The following GRIN2A variants were observed in gnomAD, a reference collection of about 807,000 sequenced individuals.
The protein encoded by GRIN2A is glutamate receptor ionotropic, NMDA 2A.
A neutral mutation model predicts 113.4 loss-of-function variants in GRIN2A; 22 were observed. That is an observed-to-expected ratio of 0.19 (90% CI 0.14 to 0.28). The LOEUF (loss-of-function observed/expected upper bound fraction) is 0.28, where lower values mean the gene tolerates loss of function less well. Among genes scored for constraint, GRIN2A ranks in the 10% least tolerant of loss-of-function variants. The pLI, the probability that GRIN2A is intolerant of heterozygous loss-of-function variation, is 1.00. For synonymous variants in GRIN2A, 827 were observed against 738.4 expected (o/e 1.12, Z -1.94); for missense variants, 1,502 against 1,887.0 (o/e 0.80, Z 3.78).
At position 10,127,925 on chromosome 16, in the gene GRIN2A, C is replaced by T. The variant is rs149173240; in HGVS notation, c.414+52073G>A. ...TTTTGCTTGTGGGGGCCTTGGGTCACACCAGAGAGTCTAACAGTGTGATTT... is the reference window on the plus strand; with the variant it reads ...TTTTGCTTGTGGGGGCCTTGGGTCATACCAGAGAGTCTAACAGTGTGATTT... On this transcript the variant is annotated intron_variant, in intron 2 of 12. Transcript: ENST00000330684. Among the ~76,000 whole-genome samples, 7 of 152,104 alleles carry T rather than the reference C, an allele frequency of 4.6e-5. No individual in the cohort carries two copies. The East Asian group carries it at 1.2e-3, about 25-fold the overall frequency.
chr16:9,968,064 G>A (rs910159843), intron 2 of GRIN2A, among the ~76,000 whole-genome samples: 2 of 152,044 alleles, frequency 1.3e-5, no homozygotes, highest in Non-Finnish European at 2.9e-5. Context: ...CAACCCAGTG[G>A]GTAGGCGTTA....
chr16:9,937,825 T>C, intron 3 of GRIN2A, 134 bp downstream of exon 3: 1 of 696,536 alleles, frequency 1.4e-6, no homozygotes, highest in Admixed American at 2.2e-5. Flanking sequence ...GAGAGCAAAA[T>C]AAAAGTCCCG....
chr16:9,892,933 GAAAAA>G (rs57666918), intron 3 of GRIN2A, among the ~76,000 whole-genome samples: 3 of 96,586 alleles, frequency 3.1e-5, no homozygotes, highest in African/African-American at 1.0e-4. Context: ...GCTAAAAAGT[GAAAAA>G]AAAAAAAAAA....
chr16:10,105,248 G>A (rs2352748), intron 2 of GRIN2A, among the ~76,000 whole-genome samples: 41,257 of 151,906 alleles, frequency 0.27, 5,844 homozygotes, highest in East Asian at 0.45. Context: ...ATTAAAACAT[G>A]AAGCCCACCC....
chr16:10,005,937 C>T (rs935358647), intron 2 of GRIN2A, among the ~76,000 whole-genome samples: 2 of 152,184 alleles, frequency 1.3e-5, no homozygotes, highest in Non-Finnish European at 2.9e-5. Context: ...AATAAACTAC[C>T]TTTGAAACCA....
At chr16:10,128,265 G>T (rs145852873) in intron 2 of GRIN2A, among the ~76,000 whole-genome samples, 2 of 152,148 alleles carry the variant, frequency 1.3e-5, no homozygotes, top group Non-Finnish European at 2.9e-5. Flanking sequence ...AGCCGTGGGT[G>T]CAACAGCTTG....
intron 11 of GRIN2A, among the ~76,000 whole-genome samples, chr16:9,787,902 C>T (rs949429693): frequency 6.6e-6 from 1 of 152,126 alleles, no homozygotes; most frequent in Non-Finnish European, 1.5e-5. Context: ...CATCTGAGGA[C>T]ACAGGGACCT....
chr16:10,036,101 C>T (rs12598112), intron 2 of GRIN2A, among the ~76,000 whole-genome samples: 28,102 of 152,140 alleles, frequency 0.18, 2,932 homozygotes, highest in East Asian at 0.35. Flanking sequence ...GATTCAGATT[C>T]CCCTGATGAT....
chr16:10,106,359 G>A (rs778186099), intron 2 of GRIN2A, among the ~76,000 whole-genome samples: 9 of 151,762 alleles, frequency 5.9e-5, no homozygotes, highest in African/African-American at 9.7e-5. Flanking sequence ...CCAGGAATTC[G>A]AGACCAACCT....
chr16:9,758,364 C>G lies in GRIN2A; in HGVS notation c.*4785G>C, dbSNP rs1013084864. 1 of 223,448 alleles carries G rather than the reference C, an allele frequency of 4.5e-6. No homozygotes were observed. The highest frequency in any genetic ancestry group is 8.9e-6 in the Non-Finnish European group (1 of 111,906). 13.8% of individuals were successfully genotyped at this position (223,448 alleles called of 1,614,324 possible). A position where few individuals can be genotyped will look rare whatever the true frequency, so the allele number is the denominator to read the frequency against. On this transcript the variant is annotated 3_prime_UTR_variant, in exon 13 of 13. Transcript: ENST00000330684. ...AGAATATATTCTATACCCCTCATCC[C>G]AGAGTTTTGTTTTTTAAAGAAGGGG...
At chr16:10,024,311 C>T (rs567318494) in intron 2 of GRIN2A, among the ~76,000 whole-genome samples, 6 of 152,330 alleles carry the variant, frequency 3.9e-5, no homozygotes, top group African/African-American at 1.2e-4. Flanking sequence ...GCAGCCTCCA[C>T]CTCCTGGGTC....
At chr16:9,935,349 T>C (rs897680339) in intron 3 of GRIN2A, among the ~76,000 whole-genome samples, 1 of 152,172 alleles carries the variant, frequency 6.6e-6, no homozygotes, top group African/African-American at 2.4e-5. Flanking sequence ...TCCTGATATC[T>C]GGACAATTAT....
chr16:10,091,842 A>G (rs780177087), intron 2 of GRIN2A, among the ~76,000 whole-genome samples: 1 of 152,204 alleles, frequency 6.6e-6, no homozygotes, highest in Non-Finnish European at 1.5e-5. Context: ...CAGAAAGTGG[A>G]TCAGTGCTTG....
intron 5 of GRIN2A, among the ~76,000 whole-genome samples, chr16:9,845,434 T>C (rs1173629080): frequency 2.6e-5 from 4 of 152,116 alleles, no homozygotes; most frequent in African/African-American, 9.7e-5. Flanking sequence ...ACACAGAGGG[T>C]ATTGTTATCA....
intron 2 of GRIN2A, chr16:10,037,314 C>T (rs927713114): frequency 1.3e-5 from 2 of 152,174 alleles, no homozygotes; most frequent in Non-Finnish European, 2.9e-5. Context: ...CATTCCATTG[C>T]ACTGCATTAA....
chr16:10,066,491 G>C (rs1208456146), intron 2 of GRIN2A, among the ~76,000 whole-genome samples: 1 of 152,168 alleles, frequency 6.6e-6, no homozygotes, highest in Non-Finnish European at 1.5e-5. Context: ...CCATACAAAT[G>C]CAAGAGGGCG....
intron 4 of GRIN2A, among the ~76,000 whole-genome samples, chr16:9,860,690 T>G (rs2043053150): frequency 6.6e-6 from 1 of 152,082 alleles, no homozygotes; most frequent in Non-Finnish European, 1.5e-5. Flanking sequence ...GGGAGATGGC[T>G]GCAGGATCTG....
At chr16:10,095,393 A>G (rs986717934) in intron 2 of GRIN2A, among the ~76,000 whole-genome samples, 4 of 152,228 alleles carry the variant, frequency 2.6e-5, no homozygotes, top group Admixed American at 1.3e-4. Flanking sequence ...ATAAATATAA[A>G]TAACGACAGT....
chr16:9,943,364 T>G (rs767843923), intron 2 of GRIN2A: 1 of 152,196 alleles, frequency 6.6e-6, no homozygotes, highest in African/African-American at 2.4e-5. Flanking sequence ...GGATTCTGGG[T>G]GTCTGCTCTA....
Sources: allele counts gnomAD v4.1 joint callset (sites outside exome capture counted in the v4.1 genomes callset), GRCh38; gene constraint gnomAD v4.1.1; transcripts MANE v1.5; gene names NCBI Gene and HGNC (gene_info 2026-07-23, HGNC 2026-07-21).